Variants in HTR1F observed in about 807,000 individuals in gnomAD.
The protein encoded by HTR1F is 5-hydroxytryptamine receptor 1F.
HTR1F carries 17 observed loss-of-function variants against 24.0 expected under a neutral mutation model. The ratio of observed to expected loss-of-function variants is 0.71; its 90% CI spans 0.48 to 1.06. HTR1F has a LOEUF of 1.06. HTR1F is among the 50% of genes least tolerant of loss of function. The probability of loss-of-function intolerance (pLI) is 0.00; values close to 1 mark genes in which losing one functional copy is unlikely to be tolerated. For synonymous variants in HTR1F, 186 were observed against 156.8 expected (o/e 1.19, Z -1.39); for missense variants, 391 against 427.8 (o/e 0.91, Z 0.76).
chr3:87,946,463 A>G (rs1016410963), intron 2 of HTR1F, among the ~76,000 whole-genome samples: 1 of 152,098 alleles, frequency 6.6e-6, no homozygotes, highest in Non-Finnish European at 1.5e-5. Flanking sequence ...ATAGGCAAAA[A>G]TCATTTATTT....
chr3:87,912,528 TCAAA>T (rs1242837106), intron 2 of HTR1F, among the ~76,000 whole-genome samples: 1 of 146,730 alleles, frequency 6.8e-6, no homozygotes, highest in Non-Finnish European at 1.5e-5. Context: ...GCTATTCCTG[TCAAA>T]CCACCTATGA....
intron 2 of HTR1F, among the ~76,000 whole-genome samples, chr3:87,884,705 C>G (rs1705894188): frequency 6.6e-6 from 1 of 152,054 alleles, no homozygotes; most frequent in African/African-American, 2.4e-5. Context: ...CAATCGTAGT[C>G]TGATAAAACA....
intron 2 of HTR1F, among the ~76,000 whole-genome samples, chr3:87,972,522 A>G (rs1705306442): frequency 6.6e-6 from 1 of 152,202 alleles, no homozygotes; most frequent in African/African-American, 2.4e-5. Flanking sequence ...ATTTCAATCC[A>G]GATCTGCCTT....
chr3:87,946,843 T>G (rs1270648230), intron 2 of HTR1F, among the ~76,000 whole-genome samples: 2 of 152,162 alleles, frequency 1.3e-5, no homozygotes, highest in East Asian at 3.9e-4. Flanking sequence ...GCCAGGATGG[T>G]CTTGATCTCC....
intron 2 of HTR1F, among the ~76,000 whole-genome samples, chr3:87,873,957 G>A (rs1400023301): frequency 6.6e-6 from 1 of 152,074 alleles, no homozygotes; most frequent in East Asian, 1.9e-4. Flanking sequence ...CAACAAAATA[G>A]GAGTAGAAGA....
intron 2 of HTR1F, among the ~76,000 whole-genome samples, chr3:87,888,161 C>T (rs370148517): frequency 1.4e-4 from 22 of 152,132 alleles, no homozygotes; most frequent in African/African-American, 5.3e-4. Flanking sequence ...GAGTTCATGT[C>T]CTTTGCATGG....
chr3:87,971,426 G>A (rs1705283736), intron 2 of HTR1F, among the ~76,000 whole-genome samples: 1 of 152,026 alleles, frequency 6.6e-6, no homozygotes. Context: ...AGGTGTGCTG[G>A]GGAGTGCCTG....
At chr3:87,822,454 G>C (rs1190571694) in intron 2 of HTR1F, among the ~76,000 whole-genome samples, 1 of 152,002 alleles carries the variant, frequency 6.6e-6, no homozygotes, top group Non-Finnish European at 1.5e-5. Flanking sequence ...GTGAAAGGTA[G>C]ACATTAAATA....
At chr3:87,855,750 A>G (rs1201748626) in intron 2 of HTR1F, among the ~76,000 whole-genome samples, 1 of 152,082 alleles carries the variant, frequency 6.6e-6, no homozygotes, top group Non-Finnish European at 1.5e-5. Flanking sequence ...CATCATTCTG[A>G]GTAGCATGAT....
Position 87,799,753 on chromosome 3 carries a change from A to G in HTR1F, c.-160+6911A>G, listed in dbSNP as rs570208684. Among the ~76,000 whole-genome samples the G allele has an allele frequency of 2.0e-3, 297 of 152,304 alleles. 1 individual carries two copies. Among genetic ancestry groups the G allele is most frequent in the Non-Finnish European group, 2.9e-3 (196 of 68,012 alleles). ...TAGCACCAGTAGGATACATCCTGGC[A>G]TTGGGGTAAATTCCCCTCTCTTCTG... On this transcript the variant is annotated intron_variant, in intron 1 of 2. Coordinates refer to ENST00000319595, the MANE Select transcript of HTR1F (RefSeq NM_001322209.2).
chr3:87,968,016 C>G (rs1193216863), intron 2 of HTR1F, among the ~76,000 whole-genome samples: 1 of 152,124 alleles, frequency 6.6e-6, no homozygotes, highest in Non-Finnish European at 1.5e-5. Context: ...ATGGCTTTGA[C>G]CAAAATGCTG....
chr3:87,912,210 AC>A (rs1228131482), intron 2 of HTR1F, among the ~76,000 whole-genome samples: 1 of 152,182 alleles, frequency 6.6e-6, no homozygotes, highest in African/African-American at 2.4e-5. Flanking sequence ...AAAAAAAAAA[AC>A]TTTAGCAAAA....
chr3:87,824,848 A>G (rs1367468976), intron 2 of HTR1F, among the ~76,000 whole-genome samples: 8 of 152,234 alleles, frequency 5.3e-5, no homozygotes, highest in Non-Finnish European at 4.4e-5. Flanking sequence ...AGATAATTCT[A>G]TAAGTATGAA....
At chr3:87,980,932 C>T (rs1217192191) in intron 2 of HTR1F, among the ~76,000 whole-genome samples, 3 of 152,184 alleles carry the variant, frequency 2.0e-5, no homozygotes, top group Non-Finnish European at 4.4e-5. Context: ...GGAGGGTTCC[C>T]ATGACCCTGA....
chr3:87,870,378 T>C (rs1705528139), intron 2 of HTR1F, among the ~76,000 whole-genome samples: 1 of 152,040 alleles, frequency 6.6e-6, no homozygotes, highest in Non-Finnish European at 1.5e-5. Context: ...TAACAATATA[T>C]TAGCCAAAAA....
chr3:87,884,146 T>C (rs1705878978), intron 2 of HTR1F, among the ~76,000 whole-genome samples: 1 of 152,160 alleles, frequency 6.6e-6, no homozygotes, highest in South Asian at 2.1e-4. Context: ...AGTGGATCTC[T>C]TGGCAGAAAC....
intron 2 of HTR1F, among the ~76,000 whole-genome samples, chr3:87,902,403 GAA>G (rs1176527513): frequency 6.6e-6 from 1 of 151,858 alleles, no homozygotes; most frequent in East Asian, 1.9e-4. Context: ...ACAGCATGGG[GAA>G]AAAAAGTCAA....
chr3:87,839,295 C>A (rs1446537390), intron 2 of HTR1F, among the ~76,000 whole-genome samples: 9 of 152,000 alleles, frequency 5.9e-5, no homozygotes, highest in Non-Finnish European at 1.2e-4. Context: ...ATGTAGATGT[C>A]CAGTTTTACC....
intron 2 of HTR1F, among the ~76,000 whole-genome samples, chr3:87,839,023 T>A (rs1559600500): frequency 6.7e-6 from 1 of 149,614 alleles, no homozygotes; most frequent in Non-Finnish European, 1.5e-5. Flanking sequence ...TTTTTATTTT[T>A]ATTTTTTTTT....
Sources: gnomAD v4.1 joint callset for allele counts (sites outside exome capture counted in the v4.1 genomes callset) on GRCh38, gnomAD v4.1.1 for gene constraint, MANE v1.5 for transcripts, NCBI Gene and HGNC (gene_info 2026-07-23, HGNC 2026-07-21) for gene names.